Variants in HERC2 observed in about 807,000 individuals in gnomAD.
The protein encoded by HERC2 is E3 ubiquitin-protein ligase HERC2.
Under a neutral mutation model 537.7 loss-of-function variants are expected in HERC2, and 102 were observed. The ratio of observed to expected loss-of-function variants is 0.19; its 90% CI spans 0.16 to 0.22. The LOEUF (loss-of-function observed/expected upper bound fraction) is 0.22. HERC2 is among the 10% of genes least tolerant of loss of function. The pLI is 1.00. For missense variants in HERC2, 4,236 were observed against 6,198.2 expected (o/e 0.68, Z 10.63); for synonymous variants, 2,224 against 2,466.2 (o/e 0.90, Z 2.91).
chr15:28,212,637 A>C, intron 42 of HERC2, 54 bp from the exon 43 acceptor site: 1 of 1,592,140 alleles, frequency 6.3e-7, no homozygotes, highest in Non-Finnish European at 8.6e-7. Flanking sequence ...AACAAATGAA[A>C]CGTTCTGAAA....
chr15:28,126,175 G>A (rs1277372304), intron 83 of HERC2, among the ~76,000 whole-genome samples: 2 of 152,180 alleles, frequency 1.3e-5, no homozygotes, highest in African/African-American at 4.8e-5. Flanking sequence ...GGTGAAAAGG[G>A]AACACTTATA....
In HERC2 at chr15:28,113,675, G is replaced by T; in HGVS notation, c.13917C>A (p.Leu4639=). 6.2e-7 allele frequency: 1 copy of T among 1,613,548 alleles called. No homozygotes were observed. The highest frequency in any genetic ancestry group is 8.5e-7 in the Non-Finnish European group (1 of 1,179,514). ...EYVRLAINYR[L]HEFDEQVAAV... ...CAGCCACCTGCTCATCAAATTCATG[G>T]AGTCTGGAAGAAAAAGCTCACTTTA... Residue 4639 remains leucine (L), a synonymous_variant, in exon 91 of 93, where the codon CTC becomes CTA. Coordinates refer to ENST00000261609, the MANE Select transcript of HERC2 (RefSeq NM_004667.6). This position sits in a 1 kb window ranked among gnomAD's most constrained non-coding sequence, Gnocchi z 7.0.
intron 35 of HERC2, among the ~76,000 whole-genome samples, chr15:28,222,930 T>C (rs1900680566): frequency 6.6e-6 from 1 of 152,204 alleles, no homozygotes; most frequent in South Asian, 2.1e-4. Context: ...TCGTCCTGTG[T>C]GGATCCTGTG....
At chr15:28,230,199 A>T (rs1008073771) in intron 31 of HERC2, among the ~76,000 whole-genome samples, 168 bp downstream of exon 31, 1 of 151,790 alleles carries the variant, frequency 6.6e-6, no homozygotes, top group African/African-American at 2.4e-5. Context: ...TTCTCCAGCT[A>T]CAGCTCTGAC....
At chr15:28,274,030 T>C (rs2075807207) in intron 7 of HERC2, among the ~76,000 whole-genome samples, 3 of 152,206 alleles carry the variant, frequency 2.0e-5, no homozygotes, top group Admixed American at 2.0e-4. Context: ...CCTCTACGAA[T>C]GACTGATGGC....
chr15:28,321,297 C>G (rs541631522), intron 2 of HERC2, 65 bp downstream of exon 2: 1 of 660,810 alleles, frequency 1.5e-6, no homozygotes, highest in South Asian at 1.7e-5. Context: ...TAAAAAAAAG[C>G]CTTACACGAG....
At chr15:28,313,600 T>C (rs2077003849) in intron 2 of HERC2, among the ~76,000 whole-genome samples, 1 of 152,252 alleles carries the variant, frequency 6.6e-6, no homozygotes, top group South Asian at 2.1e-4. Context: ...TCCTTACAAT[T>C]TGACAGAAAA....
rs2075626094 is a variant in HERC2, at chr15:28,268,333, G to A, written c.1598+132C>T. ...CACCAAGGAGGAGGCATATCGTAGT[G>A]TCCTGCTCCATCCCAGCGCTACATG... On this transcript the variant is annotated intron_variant, in intron 12 of 92. Coordinates refer to ENST00000261609, the MANE Select transcript of HERC2 (RefSeq NM_004667.6). The surrounding 1 kb of genome is among the most constrained non-coding windows in gnomAD (Gnocchi z 4.7). The A allele has an allele frequency of 1.3e-6, 1 of 780,940 alleles. No homozygotes were observed. The highest frequency in any genetic ancestry group is 2.1e-6 in the Non-Finnish European group (1 of 483,912). The allele number at this position is 780,940 out of a possible 1,614,324, so 48.4% of individuals were successfully genotyped here. A position where few individuals can be genotyped will look rare whatever the true frequency, so the allele number is the denominator to read the frequency against.
chr15:28,167,466 G>A (rs1194962338), intron 68 of HERC2, among the ~76,000 whole-genome samples: 3 of 152,182 alleles, frequency 2.0e-5, no homozygotes, highest in African/African-American at 7.2e-5. Context: ...CCTGGATCAA[G>A]CTGCAGTCCT....
At chr15:28,131,982 A>G (rs1397802011) in intron 81 of HERC2, 118 bp downstream of exon 81, 1 of 823,162 alleles carries the variant, frequency 1.2e-6, no homozygotes, top group African/African-American at 1.7e-5. Flanking sequence ...AGTGCTCCTA[A>G]GGAGCACACA....
At chr15:28,218,815 G>T in intron 37 of HERC2, 144 bp from the exon 38 acceptor site, 2 of 734,808 alleles carry the variant, frequency 2.7e-6, no homozygotes, top group Non-Finnish European at 2.3e-6. Context: ...ACGCAAAATT[G>T]AAAGTACAGA....
chr15:28,254,533 A>C lies in HERC2; in HGVS notation c.2872-15T>G, dbSNP rs1276685671. 1 of 1,564,476 alleles carries C rather than the reference A, an allele frequency of 6.4e-7. No homozygotes were observed. Among genetic ancestry groups the C allele is most frequent in the Non-Finnish European group, 8.7e-7 (1 of 1,153,800 alleles). ...GCTTCAATATCCTGTAATTCATAAA[A>C]AGAAATTGTTTACAAGTGATCTCAT... is the stretch of plus-strand genomic sequence containing the variant. On this transcript the variant is annotated splice_polypyrimidine_tract_variant and intron_variant, in intron 19 of 92. Coordinates refer to ENST00000261609, the MANE Select transcript of HERC2 (RefSeq NM_004667.6).
chr15:28,175,807 C>T (rs1895229614), intron 63 of HERC2, 151 bp from the exon 64 acceptor site: 2 of 751,584 alleles, frequency 2.7e-6, no homozygotes, highest in East Asian at 2.7e-5. Flanking sequence ...CAAAATCATA[C>T]ACCATTAATT....
At chr15:28,274,133 C>T (rs1596367480) in intron 7 of HERC2, among the ~76,000 whole-genome samples, 158 bp downstream of exon 7, 3 of 152,214 alleles carry the variant, frequency 2.0e-5, no homozygotes, top group Admixed American at 1.3e-4. Flanking sequence ...GCCTGAAAAG[C>T]TGAGAACCCA....
intron 57 of HERC2, 57 bp downstream of exon 57, chr15:28,182,344 G>T: frequency 9.7e-7 from 1 of 1,035,712 alleles, no homozygotes; most frequent in Non-Finnish European, 1.5e-6. Flanking sequence ...GAAACTTCAC[G>T]AGGTGTGGCT....
At chr15:28,142,214 T>C (rs745589874) in intron 76 of HERC2, 24 bp downstream of exon 76, 3 of 1,604,852 alleles carry the variant, frequency 1.9e-6, no homozygotes, top group African/African-American at 1.3e-5. Context: ...ATCCCAAAAG[T>C]GATTCCAAAA....
chr15:28,132,047 G>GA, intron 81 of HERC2, 53 bp downstream of exon 81: 1 of 1,115,550 alleles, frequency 9.0e-7, no homozygotes, highest in Non-Finnish European at 1.2e-6. Flanking sequence ...GGCCCTGGGG[G>GA]CCCGACTGCG....
In HERC2 at chr15:28,292,917, A is replaced by G. The variant is rs142254143; in HGVS notation, c.293T>C (p.Leu98Pro). ...PAPIYRAKSI[L>P]DSWVWGKQPD... Reference sequence around the variant, plus strand: ...TTGCTTGCCCCATACCCAGCTGTCCAGAATTGACTTGGCCCTATATATAGG... The same window carrying G: ...TTGCTTGCCCCATACCCAGCTGTCCGGAATTGACTTGGCCCTATATATAGG... The change falls in exon 4 of 93, where the codon CTG (leucine) becomes CCG (proline). Residue 98 changes from leucine (L) to proline (P), a missense_variant. Leu to Pro is a moderately conservative substitution (Grantham distance 98). Around this residue, in one of 27 missense-constraint regions of HERC2, gnomAD observed 491 missense variants for 559.3 expected, o/e 0.88. Transcript: ENST00000261609. 291 of 1,610,940 alleles carry G rather than the reference A, an allele frequency of 1.8e-4. No homozygotes were observed. The highest frequency in any genetic ancestry group is 2.2e-4 in the Non-Finnish European group (255 of 1,179,740).
rs117084492 is a variant in HERC2, at chr15:28,184,029, A to G, written c.8826-1517T>C. On this transcript the variant is annotated intron_variant, in intron 56 of 92. Coordinates refer to ENST00000261609, the MANE Select transcript of HERC2 (RefSeq NM_004667.6). ...ACGGTGAAACCTCATTTCTACAAAA[A>G]AAATACAAAAAATTAGCCAGGTGTG... Among the ~76,000 whole-genome samples, 30 of 152,154 alleles carry G rather than the reference A, an allele frequency of 2.0e-4. No individual in the cohort carries two copies. In the East Asian group the frequency reaches 5.2e-3, roughly 26 times the overall value.
Sources: gnomAD v4.1 joint callset for allele counts (sites outside exome capture counted in the v4.1 genomes callset) on GRCh38, gnomAD v4.1.1 for gene constraint, gnomAD v4.1.1 regional missense constraint, Gnocchi (gnomAD v3.1) non-coding constraint, MANE v1.5 for transcripts, NCBI Gene and HGNC (gene_info 2026-07-23, HGNC 2026-07-21) for gene names.